The following EFNA5 variants were observed in gnomAD, a reference collection of about 807,000 sequenced individuals.
The protein encoded by EFNA5 is ephrin A5, also known as ephrin-A5.
A neutral mutation model predicts 22.9 loss-of-function variants in EFNA5; 5 were observed. The ratio of observed to expected loss-of-function variants is 0.22; its 90% CI spans 0.11 to 0.46. The LOEUF (loss-of-function observed/expected upper bound fraction) is 0.46. Ranked by LOEUF, EFNA5 falls within the 20% of genes least tolerant of loss-of-function variation. EFNA5 has a pLI of 0.99. For missense variants in EFNA5, 237 were observed against 293.3 expected (o/e 0.81, Z 1.40); for synonymous variants, 113 against 112.2 (o/e 1.01, Z -0.04).
chr5:107,512,707 G>A (rs1033978434), intron 1 of EFNA5, among the ~76,000 whole-genome samples: 2 of 151,950 alleles, frequency 1.3e-5, no homozygotes, highest in African/African-American at 4.8e-5. Flanking sequence ...AGCAATCACC[G>A]AGAATGCTGT....
chr5:107,669,717 G>A (rs1443036763), intron 1 of EFNA5, among the ~76,000 whole-genome samples: 1 of 152,106 alleles, frequency 6.6e-6, no homozygotes, highest in Admixed American at 6.5e-5. Flanking sequence ...TCGCCAGGCC[G>A]CGGGCGAAGG....
At chr5:107,648,930 G>A (rs1446384737) in intron 1 of EFNA5, among the ~76,000 whole-genome samples, 1 of 152,116 alleles carries the variant, frequency 6.6e-6, no homozygotes, top group African/African-American at 2.4e-5. Flanking sequence ...CAAAGTTGGA[G>A]GGTTGGGGAG....
intron 2 of EFNA5, chr5:107,426,857 T>G: frequency 4.9e-6 from 1 of 202,562 alleles, no homozygotes. Flanking sequence ...GAATAAGAAA[T>G]CCAATGACTC....
intron 1 of EFNA5, among the ~76,000 whole-genome samples, chr5:107,561,667 C>G (rs1478595260): frequency 6.6e-6 from 1 of 152,034 alleles, no homozygotes; most frequent in Non-Finnish European, 1.5e-5. Flanking sequence ...TGCACCTGGC[C>G]TGAAAAAAAT....
intron 1 of EFNA5, among the ~76,000 whole-genome samples, chr5:107,642,496 G>C (rs1580577302): frequency 6.9e-6 from 1 of 144,196 alleles, no homozygotes; most frequent in African/African-American, 2.6e-5. Flanking sequence ...GGAATGTCAA[G>C]AGTGAATCGA....
chr5:107,391,290 T>C (rs1240572866), intron 2 of EFNA5, among the ~76,000 whole-genome samples: 1 of 152,324 alleles, frequency 6.6e-6, no homozygotes, highest in South Asian at 2.1e-4. Flanking sequence ...GACATAAATA[T>C]GAACCACAGT....
chr5:107,455,113 A>C (rs1367476620), intron 1 of EFNA5, among the ~76,000 whole-genome samples: 1 of 152,114 alleles, frequency 6.6e-6, no homozygotes, highest in Non-Finnish European at 1.5e-5. Context: ...TCAAAACCTA[A>C]CGTCTTTTCC....
chr5:107,502,209 T>G (rs573424245), intron 1 of EFNA5, among the ~76,000 whole-genome samples: 2 of 152,244 alleles, frequency 1.3e-5, no homozygotes, highest in South Asian at 2.1e-4. Flanking sequence ...CCTCTCCAAC[T>G]CTTAGAAAAC....
At chr5:107,523,382 T>C (rs906390821) in intron 1 of EFNA5, among the ~76,000 whole-genome samples, 7 of 152,192 alleles carry the variant, frequency 4.6e-5, no homozygotes, top group African/African-American at 7.2e-5. Context: ...TTTAATGTTT[T>C]TGGTGTCCCA....
intron 1 of EFNA5, among the ~76,000 whole-genome samples, chr5:107,590,783 T>C (rs890133706): frequency 6.6e-6 from 1 of 152,204 alleles, no homozygotes; most frequent in Non-Finnish European, 1.5e-5. Flanking sequence ...TGGACAAAAC[T>C]CACTGCAACC....
chr5:107,612,497 T>C (rs1178765571), intron 1 of EFNA5, among the ~76,000 whole-genome samples: 2 of 151,988 alleles, frequency 1.3e-5, no homozygotes, highest in South Asian at 2.1e-4. Context: ...TAAAATATAA[T>C]TTGAAATGCA....
At chr5:107,517,779 G>T (rs948243898) in intron 1 of EFNA5, among the ~76,000 whole-genome samples, 20 of 152,090 alleles carry the variant, frequency 1.3e-4, no homozygotes, top group African/African-American at 4.8e-4. Context: ...CAAAAATAAG[G>T]TTGTACATCA....
intron 1 of EFNA5, among the ~76,000 whole-genome samples, chr5:107,481,535 T>G (rs929115622): frequency 6.6e-6 from 1 of 152,278 alleles, no homozygotes; most frequent in African/African-American, 2.4e-5. Context: ...CCTCTGTTTT[T>G]GAACAATAAA....
At chr5:107,468,787 T>C (rs567448777) in intron 1 of EFNA5, among the ~76,000 whole-genome samples, 1 of 145,850 alleles carries the variant, frequency 6.9e-6, no homozygotes, top group East Asian at 2.4e-4. Context: ...AAATAAACAA[T>C]TGAAAAGGAA....
chr5:107,487,936 C>T lies in EFNA5; in HGVS notation c.126-60427G>A, dbSNP rs139357600. Among the ~76,000 whole-genome samples, 299 of 152,288 alleles carry T rather than the reference C, an allele frequency of 2.0e-3. 2 individuals carry two copies. The highest frequency in any genetic ancestry group is 7.2e-3 in the African/African-American group (298 of 41,546). ...TAGCAGACTACTGTATTATATCCAACATTACATGGGAAATGGACTTAAAGG... is the reference window on the plus strand; with the variant it reads ...TAGCAGACTACTGTATTATATCCAATATTACATGGGAAATGGACTTAAAGG... On this transcript the variant is annotated intron_variant, in intron 1 of 4. Transcript: ENST00000333274.
Position 107,454,580 on chromosome 5 carries a change from T to C in EFNA5, c.126-27071A>G, listed in dbSNP as rs779652617. On this transcript the variant is annotated intron_variant, in intron 1 of 4. Transcript: ENST00000333274. ...ATTAGAAAATTTTAAATCTCAAGATTTAGAAATTTAAACTTCCTGAAGTTA... is the reference window on the plus strand; with the variant it reads ...ATTAGAAAATTTTAAATCTCAAGATCTAGAAATTTAAACTTCCTGAAGTTA... 5.5e-4 allele frequency among the ~76,000 whole-genome samples: 84 copies of C among 152,286 alleles called. No homozygotes were observed. The Middle Eastern group carries it at 0.01, about 18-fold the overall frequency.
chr5:107,393,087 C>T (rs1024431921), intron 2 of EFNA5, among the ~76,000 whole-genome samples: 1 of 152,102 alleles, frequency 6.6e-6, no homozygotes, highest in Non-Finnish European at 1.5e-5. Context: ...GCTGGGTAAA[C>T]CAAAATGAGT....
chr5:107,597,975 C>T (rs1024540873), intron 1 of EFNA5, among the ~76,000 whole-genome samples: 1 of 152,134 alleles, frequency 6.6e-6, no homozygotes, highest in Non-Finnish European at 1.5e-5. Flanking sequence ...TCTCTAACAA[C>T]TTCTGTAGTC....
intron 1 of EFNA5, among the ~76,000 whole-genome samples, chr5:107,597,946 G>GT (rs1311274139): frequency 7.2e-5 from 11 of 152,234 alleles, no homozygotes; most frequent in Middle Eastern, 3.4e-3. Context: ...ATAATTATCT[G>GT]TAAGCACACT....
Sources: gnomAD v4.1 joint callset for allele counts (sites outside exome capture counted in the v4.1 genomes callset) on GRCh38, gnomAD v4.1.1 for gene constraint, MANE v1.5 for transcripts, NCBI Gene and HGNC (gene_info 2026-07-23, HGNC 2026-07-21) for gene names.